The following PSTPIP2 variants were observed in gnomAD, a reference collection of about 807,000 sequenced individuals.
PSTPIP2 encodes proline-serine-threonine phosphatase interacting protein 2, also known as proline-serine-threonine phosphatase-interacting protein 2.
In PSTPIP2, 33 loss-of-function variants were observed where a neutral mutation model predicts 63.3. That is an observed-to-expected ratio of 0.52 (90% CI 0.40 to 0.70). The LOEUF (loss-of-function observed/expected upper bound fraction) is 0.70, where lower values mean the gene tolerates loss of function less well. PSTPIP2 is among the 30% of genes least tolerant of loss of function. The probability of loss-of-function intolerance (pLI) is 0.00; values close to 1 mark genes in which losing one functional copy is unlikely to be tolerated. For missense variants in PSTPIP2, 312 were observed against 400.7 expected (o/e 0.78, Z 1.89); for synonymous variants, 125 against 132.7 (o/e 0.94, Z 0.40).
chr18:46,063,806 G>T (rs1909075243), intron 1 of PSTPIP2, among the ~76,000 whole-genome samples: 1 of 152,176 alleles, frequency 6.6e-6, no homozygotes, highest in African/African-American at 2.4e-5. Flanking sequence ...AAGGCACCAA[G>T]TTTTGCTTAT....
Position 46,072,205 on chromosome 18 carries a change from G to T in PSTPIP2, c.-17C>A, listed in dbSNP as rs768718171. 2.6e-6 allele frequency: 4 copies of T among 1,534,490 alleles called. No individual in the cohort carries two copies. The highest frequency in any genetic ancestry group is 2.0e-5 in the Admixed American group (1 of 49,368). The stretch of plus-strand genomic sequence containing the variant: ...GCGCGTCATCGCAGCGCGAGTGGGG[G>T]CGCGGAGGAGAGCCGGGCCGCAGGT... On this transcript the variant is annotated 5_prime_UTR_variant, in exon 1 of 15. Coordinates refer to ENST00000409746, the MANE Select transcript of PSTPIP2 (RefSeq NM_024430.4).
intron 1 of PSTPIP2, among the ~76,000 whole-genome samples, chr18:46,049,462 A>C (rs549697956): frequency 6.6e-6 from 1 of 152,270 alleles, no homozygotes; most frequent in Non-Finnish European, 1.5e-5. Flanking sequence ...CTGAACTTAA[A>C]ATAAAAGTTT....
chr18:45,993,933 TA>T, intron 9 of PSTPIP2: 2 of 493,908 alleles, frequency 4.0e-6, no homozygotes, highest in East Asian at 3.7e-5. Flanking sequence ...GTTCTGAGGG[TA>T]AAAAGTAATG....
chr18:46,014,010 G>A (rs1172814135), intron 4 of PSTPIP2, among the ~76,000 whole-genome samples: 4 of 151,828 alleles, frequency 2.6e-5, no homozygotes, highest in Non-Finnish European at 5.9e-5. Context: ...AGAGGCTGAA[G>A]GAGAGGAGTA....
At chr18:45,993,557 T>G (rs2144061602) in intron 10 of PSTPIP2, 48 bp downstream of exon 10, 1 of 1,531,448 alleles carries the variant, frequency 6.5e-7, no homozygotes, top group Non-Finnish European at 9.0e-7. Context: ...TCTACTCTAA[T>G]GTATCCAACA....
At chr18:46,030,223 A>G (rs1396338897) in intron 2 of PSTPIP2, among the ~76,000 whole-genome samples, 2 of 152,242 alleles carry the variant, frequency 1.3e-5, no homozygotes, top group Non-Finnish European at 2.9e-5. Flanking sequence ...AGTCCAGTTG[A>G]GTCACAAGAG....
Position 45,998,813 on chromosome 18 carries a change from C to G in PSTPIP2, c.543G>C (p.Lys181Asn). The change falls in exon 8 of 15, where the codon AAG (lysine) becomes AAC (asparagine). Residue 181 changes from lysine to asparagine, a missense_variant. Lys to Asn is a moderately conservative substitution (Grantham distance 94). Transcript: ENST00000409746. ...CCTCACCTGAGTCCTCTACTGCGGT[C>G]TTTGAAGTTGCCAGTTTCACAAAAA... ...EKLFVKLATSKTAVEDSDKAY... is the reference protein window; with the variant it reads ...EKLFVKLATSNTAVEDSDKAY... 1 of 1,613,922 alleles carries G rather than the reference C, an allele frequency of 6.2e-7. No homozygotes were observed. Among genetic ancestry groups the G allele is most frequent in the Non-Finnish European group, 8.5e-7 (1 of 1,180,014 alleles).
At chr18:46,066,796 G>A (rs1012960075) in intron 1 of PSTPIP2, among the ~76,000 whole-genome samples, 1 of 152,176 alleles carries the variant, frequency 6.6e-6, no homozygotes, top group Admixed American at 6.5e-5. Flanking sequence ...TTGCCCAGGC[G>A]GGCGAATCAC....
chr18:46,040,159 C>T, intron 1 of PSTPIP2, 112 bp from the exon 2 acceptor site: 1 of 827,200 alleles, frequency 1.2e-6, no homozygotes, highest in Non-Finnish European at 1.9e-6. Context: ...TGCTGACTCA[C>T]TTTGAGATGG....
chr18:45,992,220 A>T lies in PSTPIP2; in HGVS notation c.742-18T>A. ...TCGTACATCTAATAAAAAAAGGTCA[A>T]TTAATAGGTAGAGGTATGTTGAGAT... On this transcript the variant is annotated intron_variant, in intron 10 of 14. Coordinates refer to ENST00000409746, the MANE Select transcript of PSTPIP2 (RefSeq NM_024430.4). 6.6e-7 allele frequency: 1 copy of T among 1,508,338 alleles called. No homozygotes were observed. The highest frequency in any genetic ancestry group is 1.2e-5 in the South Asian group (1 of 84,290). The allele number at this position is 1,508,338 out of a possible 1,614,324, so 93.4% of individuals were successfully genotyped here.
intron 1 of PSTPIP2, 97 bp downstream of exon 1, chr18:46,072,059 G>T (rs902158081): frequency 7.1e-7 from 1 of 1,400,350 alleles, no homozygotes; most frequent in Non-Finnish European, 9.4e-7. Context: ...GTCACCGAGT[G>T]GCGCCGGAGC....
rs2051494400 is a variant in PSTPIP2, at chr18:45,988,823, T to A, written c.956-64A>T. 31 of 1,349,828 alleles carry A rather than the reference T, an allele frequency of 2.3e-5. No individual in the cohort carries two copies. The South Asian group carries it at 3.5e-4, about 15-fold the overall frequency. The allele number at this position is 1,349,828 out of a possible 1,614,324, so 83.6% of individuals were successfully genotyped here. Reference sequence around the variant, plus strand: ...ATTTTTCATAATAAGATCTCACCCTTTTCAAGCCAGGGCATTTCACTTACA... The same window carrying A: ...ATTTTTCATAATAAGATCTCACCCTATTCAAGCCAGGGCATTTCACTTACA... On this transcript the variant is annotated intron_variant, in intron 13 of 14. Transcript: ENST00000409746.
At chr18:45,994,544 A>G (rs1264863843) in intron 9 of PSTPIP2, among the ~76,000 whole-genome samples, 1 of 152,186 alleles carries the variant, frequency 6.6e-6, no homozygotes, top group Non-Finnish European at 1.5e-5. Context: ...TTCATATCTC[A>G]TACTACAGGT....
chr18:46,012,763 C>T (rs2051813819), intron 4 of PSTPIP2, among the ~76,000 whole-genome samples: 1 of 152,050 alleles, frequency 6.6e-6, no homozygotes, highest in African/African-American at 2.4e-5. Context: ...CAGAGCGAGA[C>T]TCCATCTCAA....
intron 14 of PSTPIP2, among the ~76,000 whole-genome samples, chr18:45,987,003 A>G (rs1170689486): frequency 6.6e-6 from 1 of 152,010 alleles, no homozygotes; most frequent in African/African-American, 2.4e-5. Flanking sequence ...ATGGCTGGCT[A>G]CTTTTTTGTA....
chr18:46,009,375 AAAAAAAAAAAAAAAAAC>A (rs1257513079), intron 5 of PSTPIP2, among the ~76,000 whole-genome samples: 1 of 132,450 alleles, frequency 7.6e-6, no homozygotes, highest in Non-Finnish European at 1.6e-5. Context: ...AAAAAAAAAA[AAAAAAAAAAAAAAAAAC>A]CTAGCTAAAT....
At chr18:46,042,826 T>G (rs1159651310) in intron 1 of PSTPIP2, among the ~76,000 whole-genome samples, 1 of 152,136 alleles carries the variant, frequency 6.6e-6, no homozygotes, top group Non-Finnish European at 1.5e-5. Context: ...GTCAGTCAAC[T>G]TACCACCTGT....
intron 2 of PSTPIP2, among the ~76,000 whole-genome samples, chr18:46,037,395 C>T (rs1361899251): frequency 6.6e-6 from 1 of 152,168 alleles, no homozygotes; most frequent in Non-Finnish European, 1.5e-5. Flanking sequence ...GATCTGCCTG[C>T]CTCGGCCTCC....
intron 6 of PSTPIP2, among the ~76,000 whole-genome samples, chr18:46,004,787 G>A (rs959004471): frequency 3.3e-5 from 5 of 152,126 alleles, no homozygotes; most frequent in African/African-American, 4.8e-5. Context: ...CAACCATTGT[G>A]GAAAGCAGTA....
Sources: allele counts gnomAD v4.1 joint callset (sites outside exome capture counted in the v4.1 genomes callset), GRCh38; gene constraint gnomAD v4.1.1; transcripts MANE v1.5; gene names NCBI Gene and HGNC (gene_info 2026-07-23, HGNC 2026-07-21).